The following LRIG2 variants were observed in gnomAD, a reference collection of about 807,000 sequenced individuals.
The protein encoded by LRIG2 is leucine rich repeats and immunoglobulin like domains 2, also known as leucine-rich repeats and immunoglobulin-like domains protein 2.
A neutral mutation model predicts 107.8 loss-of-function variants in LRIG2; 93 were observed. The observed-to-expected ratio is 0.86, with a 90% CI of 0.73 to 1.03. The LOEUF (loss-of-function observed/expected upper bound fraction) is 1.03. Ranked by LOEUF, LRIG2 falls within the 50% of genes least tolerant of loss-of-function variation. The probability of loss-of-function intolerance (pLI) is 0.00; values close to 1 mark genes in which losing one functional copy is unlikely to be tolerated. For synonymous variants in LRIG2, 471 were observed against 470.6 expected, an observed-to-expected ratio of 1.00 and a Z score of -0.01; for missense variants, 1,226 against 1,296.0, an observed-to-expected ratio of 0.95 and a Z score of 0.83.
chr1:113,107,464 G>A (rs1394513611), intron 11 of LRIG2, 130 bp from the exon 12 acceptor site: 21 of 819,964 alleles, frequency 2.6e-5, no homozygotes, highest in Non-Finnish European at 3.2e-5. Context: ...GTCTCAATTT[G>A]TTTTCTCATG....
chr1:113,114,543 G>C lies in LRIG2; in HGVS notation c.2197G>C (p.Asp733His), dbSNP rs756854504. The C allele has an allele frequency of 1.2e-6, 2 of 1,614,102 alleles. No homozygotes were observed. Among genetic ancestry groups the C allele is most frequent in the South Asian group, 1.1e-5 (1 of 91,078 alleles). ...CCCTCGTCTCAACTGGACTAAAGAT[G>C]ATGGGCCTTTGCTGGTGACAGAACG... is the stretch of plus-strand genomic sequence containing the variant. ...PAPRLNWTKD[D>H]GPLLVTERHF... The change falls in exon 15 of 18, where the codon GAT becomes CAT. Residue 733 changes from aspartate (D) to histidine (H), a missense_variant. Around this residue, in one of 3 missense-constraint regions of LRIG2, gnomAD observed 642 missense variants for 712.2 expected, o/e 0.90. Coordinates refer to ENST00000361127, the MANE Select transcript of LRIG2 (RefSeq NM_014813.3).
intron 1 of LRIG2, among the ~76,000 whole-genome samples, chr1:113,080,045 G>T (rs1653190712): frequency 8.7e-6 from 1 of 115,586 alleles, no homozygotes. Context: ...TTTTTGAGAC[G>T]GAATCTTGCT....
chr1:113,123,730 TGTGTGTGTG>T (rs1655365183), intron 17 of LRIG2, 136 bp from the exon 18 acceptor site: 11 of 462,738 alleles, frequency 2.4e-5, no homozygotes, highest in Non-Finnish European at 3.3e-5. Context: ...GTGGTTTTTG[TGTGTGTGTG>T]TGTGTGTGTG....
intron 14 of LRIG2, among the ~76,000 whole-genome samples, chr1:113,113,167 A>G (rs1654843932): frequency 1.4e-5 from 2 of 147,648 alleles, no homozygotes; most frequent in Admixed American, 1.4e-4. Flanking sequence ...ACCTAAGACT[A>G]TTTAACTGTT....
rs372622666 is a variant in LRIG2, at chr1:113,077,801, A to T, written c.239+4156A>T. Among the ~76,000 whole-genome samples the T allele has an allele frequency of 3.5e-4, 53 of 151,964 alleles. 1 individual carries two copies. The highest frequency in any genetic ancestry group is 3.1e-3 in the East Asian group (16 of 5,164). ...TGCACAACTTGCAGGTTTGTTACAT[A>T]TGTATACATGTGCCATGTTGGTGTG... On this transcript the variant is annotated intron_variant, in intron 1 of 17. Coordinates refer to ENST00000361127, the MANE Select transcript of LRIG2 (RefSeq NM_014813.3).
At chr1:113,102,349 A>G (rs1286932577) in intron 11 of LRIG2, among the ~76,000 whole-genome samples, 1 of 151,632 alleles carries the variant, frequency 6.6e-6, no homozygotes, top group African/African-American at 2.4e-5. Flanking sequence ...GCTCACTGCA[A>G]CCTCTGCCTC....
chr1:113,112,399 A>T (rs1485396428), intron 13 of LRIG2, 80 bp from the exon 14 acceptor site: 3 of 1,306,036 alleles, frequency 2.3e-6, no homozygotes, highest in Non-Finnish European at 3.2e-6. Flanking sequence ...TGCCTACTAG[A>T]TTCTTTCATG....
intron 17 of LRIG2, among the ~76,000 whole-genome samples, chr1:113,121,794 A>G (rs2101070896): frequency 6.6e-6 from 1 of 151,988 alleles, no homozygotes; most frequent in South Asian, 2.1e-4. Flanking sequence ...TTACAGAGGA[A>G]GGCAAAGTAT....
intron 16 of LRIG2, among the ~76,000 whole-genome samples, chr1:113,116,773 G>A (rs1655035671): frequency 6.6e-6 from 1 of 152,140 alleles, no homozygotes; most frequent in Non-Finnish European, 1.5e-5. Context: ...CCACATCCAA[G>A]GGAGGCTGGT....
intron 1 of LRIG2, among the ~76,000 whole-genome samples, chr1:113,080,486 TCTC>T (rs1446902814): frequency 2.0e-5 from 3 of 151,956 alleles, no homozygotes; most frequent in African/African-American, 4.8e-5. Flanking sequence ...TTCACGCCAT[TCTC>T]CTGCCTCAGC....
intron 11 of LRIG2, chr1:113,103,832 G>GGCCAGAC (rs1654413140): frequency 6.6e-6 from 1 of 152,238 alleles, no homozygotes; most frequent in Admixed American, 6.5e-5. Context: ...ATTCTCTGGA[G>GGCCAGAC]TTGGGCTAGA....
chr1:113,105,183 C>T (rs1195100970), intron 11 of LRIG2, among the ~76,000 whole-genome samples: 1 of 151,998 alleles, frequency 6.6e-6, no homozygotes, highest in African/African-American at 2.4e-5. Context: ...TATTTAGCCC[C>T]GTGCCTGGCC....
In LRIG2 at chr1:113,114,551, T is replaced by A. The variant is rs758947845; in HGVS notation, c.2205T>A (p.Pro735=). The A allele has an allele frequency of 6.2e-7, 1 of 1,614,108 alleles. No individual in the cohort carries two copies. Among genetic ancestry groups the A allele is most frequent in the Admixed American group, 1.7e-5 (1 of 59,986 alleles). ...TCAACTGGACTAAAGATGATGGGCC[T>A]TTGCTGGTGACAGAACGACATTTCT... The part of the protein sequence containing the change: ...PRLNWTKDDG[P]LLVTERHFFA... Residue 735 remains proline, a synonymous_variant, in exon 15 of 18, where the codon CCT becomes CCA. Transcript: ENST00000361127.
At chr1:113,098,816 A>C (rs757044969) in intron 9 of LRIG2, 31 bp downstream of exon 9, 6 of 1,320,816 alleles carry the variant, frequency 4.5e-6, no homozygotes, top group Admixed American at 1.7e-5. Flanking sequence ...GTATGTCTAC[A>C]TAGGCATGTT....
Position 113,110,323 on chromosome 1 carries a change from C to G in LRIG2, c.1559C>G (p.Thr520Ser). ...GGCATGAATGTGACTCTGACGTGCACTGCAGTGAGCAGCAGTGATTCACCC... is the reference window on the plus strand; with the variant it reads ...GGCATGAATGTGACTCTGACGTGCAGTGCAGTGAGCAGCAGTGATTCACCC... Reference protein sequence around the residue: ...LRGMNVTLTCTAVSSSDSPMS... With the variant: ...LRGMNVTLTCSAVSSSDSPMS... The change falls in exon 13 of 18, where the codon ACT becomes AGT. Residue 520 changes from threonine to serine, a missense_variant. By Grantham distance (58) the Thr-to-Ser change is moderately conservative (BLOSUM62 1). Coordinates refer to ENST00000361127, the MANE Select transcript of LRIG2 (RefSeq NM_014813.3). 6.2e-7 allele frequency: 1 copy of G among 1,614,136 alleles called. No homozygotes were observed. The highest frequency in any genetic ancestry group is 8.5e-7 in the Non-Finnish European group (1 of 1,179,966).
intron 11 of LRIG2, among the ~76,000 whole-genome samples, chr1:113,105,576 G>C (rs968947700): frequency 3.9e-5 from 6 of 152,266 alleles, no homozygotes; most frequent in African/African-American, 1.4e-4. Context: ...TTATAAATAT[G>C]ACTTTTAAAG....
intron 13 of LRIG2, among the ~76,000 whole-genome samples, chr1:113,110,998 G>GTA (rs1019072303): frequency 1.7e-4 from 26 of 151,708 alleles, no homozygotes; most frequent in African/African-American, 5.3e-4. Context: ...ATTTGTGTGT[G>GTA]TGTGTGTGTG....
intron 14 of LRIG2, among the ~76,000 whole-genome samples, chr1:113,113,371 T>G (rs1654854701): frequency 6.6e-6 from 1 of 151,692 alleles, no homozygotes; most frequent in South Asian, 2.1e-4. Context: ...GTTTTGTTTT[T>G]TCTTCCTTAT....
chr1:113,090,947 G>T (rs1483368340), intron 1 of LRIG2, among the ~76,000 whole-genome samples: 3 of 151,504 alleles, frequency 2.0e-5, no homozygotes, highest in Admixed American at 1.3e-4. Flanking sequence ...TGCCTCCCGG[G>T]TTCAAGTAAT....
Sources: allele counts gnomAD v4.1 joint callset (sites outside exome capture counted in the v4.1 genomes callset), GRCh38; gene constraint gnomAD v4.1.1; regional missense constraint gnomAD v4.1.1; transcripts MANE v1.5; gene names NCBI Gene and HGNC (gene_info 2026-07-23, HGNC 2026-07-21).